The following SLCO1B1 variants were observed in gnomAD, a reference collection of about 807,000 sequenced individuals.
The protein encoded by SLCO1B1 is solute carrier organic anion transporter family member 1B1.
Under a neutral mutation model 70.1 loss-of-function variants are expected in SLCO1B1, and 81 were observed. The ratio of observed to expected loss-of-function variants is 1.16; its 90% confidence interval spans 0.97 to 1.39. The LOEUF is 1.39. Among genes scored for constraint, SLCO1B1 ranks in the 40% most tolerant of loss-of-function variants. SLCO1B1 has a pLI of 0.00. For missense variants in SLCO1B1, 895 were observed against 799.6 expected (o/e 1.12, Z -1.44); for synonymous variants, 283 against 271.5 (o/e 1.04, Z -0.42).
Position 21,177,479 on chromosome 12 carries a change from G to A in SLCO1B1, c.481+582G>A, listed in dbSNP as rs187841913. Among the ~76,000 whole-genome samples the A allele has an allele frequency of 1.5e-3, 228 of 152,062 alleles. 3 individuals carry two copies. The highest frequency in any genetic ancestry group is 5.4e-3 in the African/African-American group (226 of 41,504). Reference sequence around the variant, plus strand: ...AAATTATAAATTATAATTGCAAATTGTACTGCTAAAGATTTTTTTAACCTA... The same window carrying A: ...AAATTATAAATTATAATTGCAAATTATACTGCTAAAGATTTTTTTAACCTA... On this transcript the variant is annotated intron_variant, in intron 5 of 14. Coordinates refer to ENST00000256958, the MANE Select transcript of SLCO1B1 (RefSeq NM_006446.5).
intron 2 of SLCO1B1, among the ~76,000 whole-genome samples, chr12:21,153,237 G>A (rs916218250): frequency 6.6e-6 from 1 of 152,064 alleles, no homozygotes; most frequent in Non-Finnish European, 1.5e-5. Flanking sequence ...CTCCTTGAAG[G>A]TTTCCAGAGC....
At chr12:21,222,764 C>G (rs1052995490) in intron 13 of SLCO1B1, among the ~76,000 whole-genome samples, 2 of 151,922 alleles carry the variant, frequency 1.3e-5, no homozygotes, top group African/African-American at 4.8e-5. Context: ...GGCCTAACTT[C>G]TAAACTGTGG....
At chr12:21,200,436 T>A in intron 8 of SLCO1B1, 72 bp from the exon 9 acceptor site, 1 of 1,024,370 alleles carries the variant, frequency 9.8e-7, no homozygotes. Context: ...ATGACTTACG[T>A]TCACAAATTT....
chr12:21,217,840 A>G (rs1178077567), intron 12 of SLCO1B1, among the ~76,000 whole-genome samples: 1 of 152,194 alleles, frequency 6.6e-6, no homozygotes, highest in Non-Finnish European at 1.5e-5. Flanking sequence ...AAAAGATACA[A>G]TGCTTGGTGA....
At chr12:21,182,738 A>T (rs1940918888) in intron 7 of SLCO1B1, among the ~76,000 whole-genome samples, 1 of 152,124 alleles carries the variant, frequency 6.6e-6, no homozygotes, top group Admixed American at 6.5e-5. Flanking sequence ...CTAGTCCCAA[A>T]ACCCCAGGGC....
chr12:21,200,534 C>G lies in SLCO1B1; in HGVS notation c.997C>G (p.Leu333Val). 1 of 1,577,088 alleles carries G rather than the reference C, an allele frequency of 6.3e-7. No individual in the cohort carries two copies. Residue 333 changes from leucine (L) to valine (V), a missense_variant, in exon 9 of 15, where the codon CTT becomes GTT. Transcript: ENST00000256958. ...TTTTTTCCAGTCTTTTAAAAGCATC[C>G]TTACTAATCCCCTGTATGTTATGTT... is the stretch of plus-strand genomic sequence containing the variant. ...TGFFQSFKSI[L>V]TNPLYVMFVL...
At chr12:21,229,380 T>G (rs1037657133) in intron 14 of SLCO1B1, among the ~76,000 whole-genome samples, 1 of 152,232 alleles carries the variant, frequency 6.6e-6, no homozygotes, top group Non-Finnish European at 1.5e-5. Flanking sequence ...AAAAATCCTC[T>G]GCTCTGCCTA....
chr12:21,232,888 C>A (rs527968980), intron 14 of SLCO1B1, among the ~76,000 whole-genome samples: 37 of 152,230 alleles, frequency 2.4e-4, no homozygotes, highest in Middle Eastern at 3.4e-3. Context: ...CTGCTCATTG[C>A]ACCATAGCTT....
In SLCO1B1 at chr12:21,200,546, CT is replaced by C; in HGVS notation, c.1010del (p.Leu337ArgfsTer8). 6.2e-7 allele frequency: 1 copy of C among 1,600,738 alleles called. No homozygotes were observed. Among genetic ancestry groups the C allele is most frequent in the Non-Finnish European group, 8.5e-7 (1 of 1,172,202 alleles). On this transcript the variant is annotated frameshift_variant, in exon 9 of 15. Coordinates refer to ENST00000256958, the MANE Select transcript of SLCO1B1 (RefSeq NM_006446.5). LOFTEE classifies it high-confidence loss of function. ...TTTTAAAAGCATCCTTACTAATCCC[CT>C]GTATGTTATGTTTGTGCTTTTGACG... ...QSFKSILTNP[L>X]YVMFVLLTLL... is the part of the protein sequence containing the mutation.
chr12:21,222,397 A>AATAT lies in SLCO1B1; in HGVS notation c.1747+61_1747+64dup, dbSNP rs751514211. On this transcript the variant is annotated intron_variant, in intron 13 of 14. Transcript: ENST00000256958. ...GAAAAAAAAAAAAAAAAAAAAAAAAAATATATATATATATATATATATATA... is the reference window on the plus strand; with the variant it reads ...GAAAAAAAAAAAAAAAAAAAAAAAAAATATATATATATATATATATATATATATA... 4.8e-3 allele frequency: 472 copies of AATAT among 97,580 alleles called. 4 individuals carry two copies. The highest frequency in any genetic ancestry group is 0.017 in the African/African-American group (257 of 15,008). 6.0% of individuals were successfully genotyped at this position (97,580 alleles called of 1,614,324 possible).
chr12:21,217,038 C>A, intron 11 of SLCO1B1, 81 bp from the exon 12 acceptor site: 1 of 1,031,722 alleles, frequency 9.7e-7, no homozygotes, highest in Non-Finnish European at 1.5e-6. Flanking sequence ...AGTGAGACTT[C>A]ACTAAATATA....
rs74474044 is a variant in SLCO1B1 at position 21,141,826 on chromosome 12, T to C, written c.84+168T>C. Among the ~76,000 whole-genome samples, 54 of 152,070 alleles carry C rather than the reference T, an allele frequency of 3.6e-4. No individual in the cohort carries two copies. In the East Asian group the frequency reaches 0.01, roughly 28 times the overall value. ...CATACCTTGATTTAAACCAGTCTTT[T>C]AATCTGATTAAGTATTTCTTTGGCG... On this transcript the variant is annotated intron_variant, in intron 2 of 14. Coordinates refer to ENST00000256958, the MANE Select transcript of SLCO1B1 (RefSeq NM_006446.5).
chr12:21,184,050 GAAAA>G (rs71043253), intron 7 of SLCO1B1, among the ~76,000 whole-genome samples: 4 of 149,430 alleles, frequency 2.7e-5, no homozygotes, highest in Non-Finnish European at 5.9e-5. Context: ...AAGAAAGAAA[GAAAA>G]AAAAACATAA....
At chr12:21,153,859 C>T (rs1940505145) in intron 2 of SLCO1B1, among the ~76,000 whole-genome samples, 1 of 151,834 alleles carries the variant, frequency 6.6e-6, no homozygotes, top group African/African-American at 2.4e-5. Flanking sequence ...TATTTATACA[C>T]CTATAAAATT....
intron 2 of SLCO1B1, among the ~76,000 whole-genome samples, chr12:21,155,354 T>A (rs954317065): frequency 6.6e-6 from 1 of 152,050 alleles, no homozygotes; most frequent in Non-Finnish European, 1.5e-5. Context: ...CTATTTTACA[T>A]CTTGTACTCC....
intron 10 of SLCO1B1, among the ~76,000 whole-genome samples, chr12:21,204,770 G>A (rs1332937995): frequency 1.3e-5 from 2 of 151,818 alleles, no homozygotes; most frequent in African/African-American, 4.8e-5. Context: ...TTGGTGTCTA[G>A]GAAGGGCCCA....
chr12:21,143,769 C>T (rs1365792005), intron 2 of SLCO1B1, among the ~76,000 whole-genome samples: 2 of 151,938 alleles, frequency 1.3e-5, no homozygotes, highest in Non-Finnish European at 2.9e-5. Context: ...TTATGGCAAG[C>T]AGGCTTTTAT....
At chr12:21,196,841 C>T in intron 7 of SLCO1B1, 105 bp from the exon 8 acceptor site, 2 of 1,197,890 alleles carry the variant, frequency 1.7e-6, no homozygotes, top group Non-Finnish European at 2.4e-6. Flanking sequence ...AAAATCGTGT[C>T]TTGGAATTGA....
At chr12:21,229,909 A>G (rs1392598069) in intron 14 of SLCO1B1, among the ~76,000 whole-genome samples, 1 of 152,204 alleles carries the variant, frequency 6.6e-6, no homozygotes, top group African/African-American at 2.4e-5. Flanking sequence ...GTTGAAAAAC[A>G]GTGGTGAGAG....
Sources: gnomAD v4.1 joint callset for allele counts (sites outside exome capture counted in the v4.1 genomes callset) on GRCh38, gnomAD v4.1.1 for gene constraint, MANE v1.5 for transcripts, NCBI Gene and HGNC (gene_info 2026-07-23, HGNC 2026-07-21) for gene names.